The following UBE2V2 variants were observed in gnomAD, a reference collection of about 807,000 sequenced individuals.
UBE2V2 encodes ubiquitin conjugating enzyme E2 V2.
UBE2V2 carries 9 observed loss-of-function variants against 17.2 expected under a neutral mutation model. That is an observed-to-expected ratio of 0.52 (90% CI 0.32 to 0.91). UBE2V2 has a LOEUF of 0.91. Ranked by LOEUF, UBE2V2 falls within the 40% of genes least tolerant of loss-of-function variation. UBE2V2 has a pLI of 0.04. For missense variants in UBE2V2, 133 were observed against 182.6 expected (o/e 0.73, Z 1.56); for synonymous variants, 61 against 57.5 (o/e 1.06, Z -0.28).
chr8:48,043,844 G>A (rs914122745), intron 2 of UBE2V2, among the ~76,000 whole-genome samples: 1 of 151,598 alleles, frequency 6.6e-6, no homozygotes, highest in African/African-American at 2.4e-5. Flanking sequence ...GTTGGCAACT[G>A]GCCCATTGTA....
At chr8:48,047,005 A>G (rs1487790097) in intron 2 of UBE2V2, among the ~76,000 whole-genome samples, 1 of 148,694 alleles carries the variant, frequency 6.7e-6, no homozygotes, top group Admixed American at 6.8e-5. Context: ...CAGTGACACT[A>G]TCTCGGGCTC....
intron 1 of UBE2V2, among the ~76,000 whole-genome samples, chr8:48,040,023 A>G (rs1166064039): frequency 6.7e-6 from 1 of 148,488 alleles, no homozygotes; most frequent in Non-Finnish European, 1.5e-5. Flanking sequence ...AGCCGCCACC[A>G]TGCCCAGCCT....
Position 48,062,576 on chromosome 8 carries a change from A to G in UBE2V2, c.*1748A>G, listed in dbSNP as rs1306371495. ...CTGCTCCAGCCTGGGCAACAGAGCAAGACTCCATCTCAAAAAAAAAAAAAA... is the reference window on the plus strand; with the variant it reads ...CTGCTCCAGCCTGGGCAACAGAGCAGGACTCCATCTCAAAAAAAAAAAAAA... On this transcript the variant is annotated 3_prime_UTR_variant, in exon 4 of 4. Coordinates refer to ENST00000523111, the MANE Select transcript of UBE2V2 (RefSeq NM_003350.3). 7.5e-6 allele frequency: 1 copy of G among 133,694 alleles called. No homozygotes were observed. Among genetic ancestry groups the G allele is most frequent in the African/African-American group, 2.9e-5 (1 of 34,636 alleles). 8.3% of individuals were successfully genotyped at this position (133,694 alleles called of 1,614,324 possible).
intron 1 of UBE2V2, among the ~76,000 whole-genome samples, chr8:48,014,919 A>G (rs942058123): frequency 1.3e-5 from 2 of 150,802 alleles, no homozygotes; most frequent in Non-Finnish European, 1.5e-5. Flanking sequence ...GCGTGGTGAC[A>G]GGCACCTGTA....
At chr8:48,035,992 C>T (rs1358530441) in intron 1 of UBE2V2, among the ~76,000 whole-genome samples, 1 of 147,816 alleles carries the variant, frequency 6.8e-6, no homozygotes, top group Non-Finnish European at 1.5e-5. Flanking sequence ...ACTCTGTCAC[C>T]CAGGCTAGAG....
chr8:48,059,219 G>A (rs1363671013), intron 3 of UBE2V2, among the ~76,000 whole-genome samples: 2 of 151,966 alleles, frequency 1.3e-5, no homozygotes, highest in East Asian at 1.9e-4. Flanking sequence ...ACAGGCGTGA[G>A]CCACCATTCC....
intron 3 of UBE2V2, among the ~76,000 whole-genome samples, chr8:48,058,249 A>ACT (rs1347986293): frequency 2.6e-4 from 39 of 152,044 alleles, no homozygotes; most frequent in African/African-American, 7.5e-4. Flanking sequence ...CGGGTGGATC[A>ACT]TGAGGTCAGG....
At chr8:48,034,128 C>CTTTTTTTTTTTTTTTTTTTTTTTTT (rs895844431) in intron 1 of UBE2V2, among the ~76,000 whole-genome samples, 1 of 136,302 alleles carries the variant, frequency 7.3e-6, no homozygotes, top group African/African-American at 3.0e-5. Context: ...TTTTCTTTTC[C>CTTTTTTTTTTTTTTTTTTTTTTTTT]TTTTTTTTTT....
rs1383817421 is a variant in UBE2V2, at chr8:48,044,563, A to C, written c.165+1382A>C. ...TGGTGTTCCTTTGCAAAATTCATGC[A>C]CACTCCTACACTGATAGGCTCCCTG... On this transcript the variant is annotated intron_variant, in intron 2 of 3. Coordinates refer to ENST00000523111, the MANE Select transcript of UBE2V2 (RefSeq NM_003350.3). Among the ~76,000 whole-genome samples the C allele has an allele frequency of 2.0e-5, 3 of 152,192 alleles. No homozygotes were observed. In the East Asian group the frequency reaches 5.8e-4, roughly 29 times the overall value.
intron 1 of UBE2V2, among the ~76,000 whole-genome samples, chr8:48,021,898 T>C (rs2091308119): frequency 6.6e-6 from 1 of 151,856 alleles, no homozygotes; most frequent in Non-Finnish European, 1.5e-5. Context: ...CAGGCTGGTC[T>C]GGAACTCCTT....
At position 48,060,897 on chromosome 8, in the gene UBE2V2, C is replaced by T. The variant is rs985727017; in HGVS notation, c.*69C>T. On this transcript the variant is annotated 3_prime_UTR_variant, in exon 4 of 4. Transcript: ENST00000523111. ...TCATGTTAATGTCTTGATTAAATATCACAATGCAAAATACACATTAAGTAA... is the reference window on the plus strand; with the variant it reads ...TCATGTTAATGTCTTGATTAAATATTACAATGCAAAATACACATTAAGTAA... The T allele has an allele frequency of 5.1e-5, 67 of 1,325,956 alleles. No homozygotes were observed. Among genetic ancestry groups the T allele is most frequent in the African/African-American group, 6.0e-5 (4 of 66,202 alleles). The allele number at this position is 1,325,956 out of a possible 1,614,324, so 82.1% of individuals were successfully genotyped here.
At chr8:48,037,893 A>G (rs2091435303) in intron 1 of UBE2V2, among the ~76,000 whole-genome samples, 1 of 152,062 alleles carries the variant, frequency 6.6e-6, no homozygotes, top group Non-Finnish European at 1.5e-5. Context: ...ATCCATTCCC[A>G]CGTTGCAGCA....
rs974810094 is a variant in UBE2V2, at chr8:48,035,204, C to T, written c.17-7829C>T. The T allele has an allele frequency of 2.2e-5, 20 of 891,274 alleles. No homozygotes were observed. The African/African-American group carries it at 3.3e-4, about 15-fold the overall frequency. The allele number at this position is 891,274 out of a possible 1,614,324, so 55.2% of individuals were successfully genotyped here. On this transcript the variant is annotated intron_variant, in intron 1 of 3. Transcript: ENST00000523111. ...AATCTCAGCTCACTGCTACTTCTGC[C>T]TCCCGGGTTCAAGCAATTCTCATGT...
chr8:48,030,640 A>T (rs2091375981), intron 1 of UBE2V2, among the ~76,000 whole-genome samples: 1 of 152,028 alleles, frequency 6.6e-6, no homozygotes, highest in African/African-American at 2.4e-5. Context: ...AGAATTGCTT[A>T]AGCCTGGGAG....
At chr8:48,006,369 C>T (rs1191425252), upstream of UBE2V2, among the ~76,000 whole-genome samples, 2 of 152,054 alleles carry the variant, frequency 1.3e-5, no homozygotes, top group African/African-American at 4.8e-5. Flanking sequence ...TTCCATTGAT[C>T]TATATATCTG....
upstream of UBE2V2, among the ~76,000 whole-genome samples, chr8:48,004,681 C>T (rs1356829453): frequency 6.6e-6 from 1 of 152,032 alleles, no homozygotes; most frequent in Non-Finnish European, 1.5e-5. Context: ...CAGGTGGCCG[C>T]CACCATACCT....
At chr8:48,055,603 AG>A (rs994233793) in intron 3 of UBE2V2, among the ~76,000 whole-genome samples, 10 of 152,106 alleles carry the variant, frequency 6.6e-5, no homozygotes, top group African/African-American at 2.4e-4. Flanking sequence ...ACCCATTTAA[AG>A]GGTAAAATTC....
chr8:48,020,205 T>C (rs982315108), intron 1 of UBE2V2, among the ~76,000 whole-genome samples: 1 of 152,074 alleles, frequency 6.6e-6, no homozygotes, highest in African/African-American at 2.4e-5. Context: ...CTTGCTAATT[T>C]TTTATATTTT....
intron 1 of UBE2V2, among the ~76,000 whole-genome samples, chr8:48,008,822 G>A (rs1302951017): frequency 6.6e-6 from 1 of 151,924 alleles, no homozygotes; most frequent in Non-Finnish European, 1.5e-5. Context: ...GTCAACCTCC[G>A]GCACCGAAGA....
Sources: gnomAD v4.1 joint callset for allele counts (sites outside exome capture counted in the v4.1 genomes callset) on GRCh38, gnomAD v4.1.1 for gene constraint, MANE v1.5 for transcripts, NCBI Gene and HGNC (gene_info 2026-07-23, HGNC 2026-07-21) for gene names.